TEC: variants seen among roughly 807,000 people sequenced by gnomAD.
TEC encodes the protein tec protein tyrosine kinase.
A neutral mutation model predicts 93.0 loss-of-function variants in TEC; 72 were observed. That is an observed-to-expected ratio of 0.77 (90% confidence interval 0.64 to 0.94). The LOEUF is 0.94. TEC is among the 40% of genes least tolerant of loss of function. The pLI, the probability that TEC is intolerant of heterozygous loss-of-function variation, is 0.00. For missense variants in TEC, 630 were observed against 757.9 expected (o/e 0.83, Z 1.98); for synonymous variants, 249 against 247.7 (o/e 1.01, Z -0.05).
rs543102318 is a variant in TEC at position 48,165,358 on chromosome 4, G to T, written c.672-1591C>A. On this transcript the variant is annotated intron_variant, in intron 7 of 17. Coordinates refer to ENST00000381501, the MANE Select transcript of TEC (RefSeq NM_003215.3). ...AAATTTCATCTTTCCTTTCCTTCAT[G>T]AACTAAATGAACTGGTATATGAGGC... 2.0e-5 allele frequency among the ~76,000 whole-genome samples: 3 copies of T among 152,236 alleles called. No individual in the cohort carries two copies. In the South Asian group the frequency reaches 6.2e-4, roughly 32 times the overall value.
intron 4 of TEC, 72 bp from the exon 5 acceptor site, chr4:48,170,448 G>A: frequency 1.9e-6 from 2 of 1,044,764 alleles, no homozygotes; most frequent in Non-Finnish European, 2.8e-6. Flanking sequence ...AAATAACAGT[G>A]TCGATCATTA....
Position 48,261,890 on chromosome 4 carries a change from A to G in TEC, c.-46+7862T>C, listed in dbSNP as rs1387782718. Among the ~76,000 whole-genome samples the G allele has an allele frequency of 3.9e-5, 6 of 152,194 alleles. No individual in the cohort carries two copies. In the East Asian group the frequency reaches 1.2e-3, roughly 29 times the overall value. On this transcript the variant is annotated intron_variant, in intron 1 of 17. Coordinates refer to ENST00000381501, the MANE Select transcript of TEC (RefSeq NM_003215.3). Reference sequence around the variant, plus strand: ...AGAAACATAAAACTGATGAGATAACATAATGAATACTTACTTCCCTCCCTC... The same window carrying G: ...AGAAACATAAAACTGATGAGATAACGTAATGAATACTTACTTCCCTCCCTC...
chr4:48,268,365 G>A (rs572355141), intron 1 of TEC, among the ~76,000 whole-genome samples: 1 of 152,338 alleles, frequency 6.6e-6, no homozygotes, highest in South Asian at 2.1e-4. Flanking sequence ...CTTGTGAGAA[G>A]AGTCAAGATC....
At chr4:48,261,378 A>G (rs1724493483) in intron 1 of TEC, among the ~76,000 whole-genome samples, 2 of 152,208 alleles carry the variant, frequency 1.3e-5, no homozygotes, top group South Asian at 4.1e-4. Flanking sequence ...ATCAAAAATA[A>G]CCCTAATAGT....
At chr4:48,153,220 CA>C (rs530426762) in intron 9 of TEC, among the ~76,000 whole-genome samples, 5,046 of 132,592 alleles carry the variant, frequency 0.038, 226 homozygotes, top group African/African-American at 0.12. Context: ...AACTTCAAGC[CA>C]AAAAAAAAAA....
intron 2 of TEC, among the ~76,000 whole-genome samples, chr4:48,220,186 T>C (rs75955808): frequency 0.18 from 26,804 of 150,130 alleles, 3,111 homozygotes; most frequent in Non-Finnish European, 0.25. Context: ...CCCCATCTCC[T>C]CATCTCTAGG....
intron 2 of TEC, among the ~76,000 whole-genome samples, chr4:48,221,011 C>A (rs1723240443): frequency 6.6e-6 from 1 of 152,236 alleles, no homozygotes; most frequent in South Asian, 2.1e-4. Context: ...CCACAACCCC[C>A]TCCTTGGGTT....
intron 1 of TEC, among the ~76,000 whole-genome samples, chr4:48,269,303 A>G (rs1724720695): frequency 6.6e-6 from 1 of 152,242 alleles, no homozygotes; most frequent in Non-Finnish European, 1.5e-5. Context: ...TGTCATTTAC[A>G]TTAGGTATAT....
intron 1 of TEC, among the ~76,000 whole-genome samples, chr4:48,253,820 C>A (rs765542422): frequency 6.6e-6 from 1 of 152,138 alleles, no homozygotes; most frequent in Non-Finnish European, 1.5e-5. Context: ...GGTGATCCAC[C>A]TGCCTAGGCC....
intron 1 of TEC, among the ~76,000 whole-genome samples, chr4:48,242,404 A>T (rs1723944189): frequency 6.6e-6 from 1 of 152,192 alleles, no homozygotes; most frequent in Admixed American, 6.5e-5. Flanking sequence ...GATGACAATG[A>T]TTTCACTTTA....
chr4:48,146,220 A>T lies in TEC; in HGVS notation c.1081+105T>A, dbSNP rs1719899650. 3.8e-6 allele frequency: 4 copies of T among 1,039,348 alleles called. No homozygotes were observed. The East Asian group carries it at 7.3e-5, about 19-fold the overall frequency. 64.4% of individuals were successfully genotyped at this position (1,039,348 alleles called of 1,614,324 possible). On this transcript the variant is annotated intron_variant, in intron 12 of 17. Coordinates refer to ENST00000381501, the MANE Select transcript of TEC (RefSeq NM_003215.3). ...CTAAAAACCTATACTATAAACTTAT[A>T]AAAAACAGTTCCAGTATGTGAAATA...
chr4:48,174,186 G>A (rs2089509), intron 3 of TEC, among the ~76,000 whole-genome samples: 57,721 of 152,032 alleles, frequency 0.38, 11,983 homozygotes, highest in East Asian at 0.9. Context: ...AACAATTTTA[G>A]TAGTTCAGGG....
intron 2 of TEC, among the ~76,000 whole-genome samples, chr4:48,182,109 C>T (rs910093325): frequency 6.6e-6 from 1 of 151,872 alleles, no homozygotes; most frequent in Non-Finnish European, 1.5e-5. Flanking sequence ...ATGGGAAAAC[C>T]CCATCTCTAC....
intron 9 of TEC, among the ~76,000 whole-genome samples, chr4:48,155,364 G>A (rs140214777): frequency 1.3e-5 from 2 of 152,278 alleles, no homozygotes; most frequent in African/African-American, 4.8e-5. Flanking sequence ...TGCTGGTAGG[G>A]ACAAATTTTC....
chr4:48,230,377 C>T (rs953524348), intron 1 of TEC, among the ~76,000 whole-genome samples: 1 of 152,150 alleles, frequency 6.6e-6, no homozygotes. Flanking sequence ...GAAGGAAAGA[C>T]CACAAGGTCA....
intron 2 of TEC, among the ~76,000 whole-genome samples, chr4:48,221,129 ATACAC>A (rs1262640382): frequency 6.6e-6 from 1 of 152,218 alleles, no homozygotes; most frequent in African/African-American, 2.4e-5. Context: ...GGATAAAGAG[ATACAC>A]AGGGTGAGGT....
At chr4:48,185,897 A>G (rs534157457) in intron 2 of TEC, among the ~76,000 whole-genome samples, 1 of 145,764 alleles carries the variant, frequency 6.9e-6, no homozygotes, top group East Asian at 2.2e-4. Flanking sequence ...GATGCCACCA[A>G]AGTTGTGAAA....
intron 1 of TEC, among the ~76,000 whole-genome samples, chr4:48,244,677 G>A (rs538262111): frequency 6.6e-6 from 1 of 152,246 alleles, no homozygotes; most frequent in African/African-American, 2.4e-5. Context: ...CTGTATATCA[G>A]GTACTGTGAC....
At chr4:48,220,650 TA>T (rs1200319711) in intron 2 of TEC, among the ~76,000 whole-genome samples, 2 of 151,686 alleles carry the variant, frequency 1.3e-5, no homozygotes, top group Non-Finnish European at 2.9e-5. Flanking sequence ...CTTTTATTTA[TA>T]AATTACCCAG....
Sources: gnomAD v4.1 joint callset for allele counts (sites outside exome capture counted in the v4.1 genomes callset) on GRCh38, gnomAD v4.1.1 for gene constraint, MANE v1.5 for transcripts, NCBI Gene and HGNC (gene_info 2026-07-23, HGNC 2026-07-21) for gene names.